Variants in STIM2 observed in about 807,000 individuals in gnomAD.
The protein encoded by STIM2 is stromal interaction molecule 2.
STIM2 carries 31 observed loss-of-function variants against 85.8 expected under a neutral mutation model. The observed-to-expected ratio is 0.36, with a 90% CI of 0.27 to 0.49. The LOEUF (loss-of-function observed/expected upper bound fraction) is 0.49. STIM2 is among the 20% of genes least tolerant of loss of function. The pLI is 0.98. For missense variants in STIM2, 841 were observed against 927.6 expected (o/e 0.91, Z 1.21); for synonymous variants, 356 against 331.1 (o/e 1.08, Z -0.82).
chr4:26,993,401 A>G (rs1727835022), intron 3 of STIM2, among the ~76,000 whole-genome samples: 1 of 152,096 alleles, frequency 6.6e-6, no homozygotes, highest in Non-Finnish European at 1.5e-5. Context: ...TACCACATCT[A>G]GTTTTAAATG....
In STIM2 at chr4:26,861,144, C is replaced by T. The variant is rs1722160801; in HGVS notation, c.-75C>T. 5 of 1,298,284 alleles carry T rather than the reference C, an allele frequency of 3.9e-6. No homozygotes were observed. Among genetic ancestry groups the T allele is most frequent in the East Asian group, 3.2e-5 (1 of 30,870 alleles). 80.4% of individuals were successfully genotyped at this position (1,298,284 alleles called of 1,614,324 possible). On this transcript the variant is annotated 5_prime_UTR_variant, in exon 1 of 12. Transcript: ENST00000467087. Reference sequence around the variant, plus strand: ...GCCGCTGCGCTTTCACCCGGCTTCTCCTCGGCGCCTTCATCCCGCCTCGAC... The same window carrying T: ...GCCGCTGCGCTTTCACCCGGCTTCTTCTCGGCGCCTTCATCCCGCCTCGAC...
chr4:26,949,267 A>G (rs1258103239), intron 2 of STIM2, among the ~76,000 whole-genome samples: 2 of 152,278 alleles, frequency 1.3e-5, no homozygotes, highest in African/African-American at 2.4e-5. Context: ...ATAATTATCA[A>G]TGTCTGTATT....
At chr4:26,999,696 T>C (rs907249477) in intron 5 of STIM2, among the ~76,000 whole-genome samples, 11 of 152,148 alleles carry the variant, frequency 7.2e-5, no homozygotes, top group African/African-American at 2.4e-4. Flanking sequence ...AAAAATAATA[T>C]AGTCTAACCA....
chr4:27,022,914 T>G lies in STIM2; in HGVS notation c.2159T>G (p.Ile720Ser). ...CCAAGTGTTGCCAGAATAAGCAGCATCCCACATGACCTTTGTCATAATGGA... is the reference window on the plus strand; with the variant it reads ...CCAAGTGTTGCCAGAATAAGCAGCAGCCCACATGACCTTTGTCATAATGGA... The change falls in exon 12 of 12, where the codon ATC becomes AGC. Residue 720 changes from isoleucine to serine, a missense_variant. Physicochemically the swap from Ile to Ser is moderately radical, Grantham distance 142. This residue lies in a region of STIM2 where 293 missense variants were observed against 284.5 expected (regional missense o/e 1.03). Coordinates refer to ENST00000467087, the MANE Select transcript of STIM2 (RefSeq NM_020860.4). The G allele has an allele frequency of 1.2e-6, 2 of 1,614,098 alleles. No homozygotes were observed. The highest frequency in any genetic ancestry group is 1.7e-6 in the Non-Finnish European group (2 of 1,180,018).
At chr4:26,966,990 C>T (rs763576358) in intron 3 of STIM2, among the ~76,000 whole-genome samples, 8 of 152,072 alleles carry the variant, frequency 5.3e-5, no homozygotes, top group Non-Finnish European at 7.4e-5. Context: ...CTCTTTGCAT[C>T]GACATTAATT....
intron 1 of STIM2, among the ~76,000 whole-genome samples, chr4:26,868,583 C>T (rs1365804162): frequency 6.6e-6 from 1 of 152,146 alleles, no homozygotes; most frequent in Non-Finnish European, 1.5e-5. Context: ...ACAATATTCT[C>T]AATAAGTAAA....
intron 1 of STIM2, among the ~76,000 whole-genome samples, chr4:26,918,118 T>C (rs1724656846): frequency 6.6e-6 from 1 of 151,962 alleles, no homozygotes; most frequent in Admixed American, 6.6e-5. Context: ...ACTTCCCTTC[T>C]AAGACTAAAG....
chr4:26,918,695 G>C (rs868834697), intron 1 of STIM2, among the ~76,000 whole-genome samples: 1 of 152,140 alleles, frequency 6.6e-6, no homozygotes, highest in South Asian at 2.1e-4. Flanking sequence ...TCCCATTTTG[G>C]TATATAGGTT....
intron 1 of STIM2, among the ~76,000 whole-genome samples, chr4:26,903,919 T>C (rs1231258702): frequency 2.6e-5 from 4 of 151,526 alleles, no homozygotes; most frequent in Admixed American, 2.6e-4. Flanking sequence ...GTGGCTAGGA[T>C]TTTTTTTTAA....
intron 3 of STIM2, among the ~76,000 whole-genome samples, chr4:26,970,233 ATATATATATATATG>A (rs1387582320): frequency 0.094 from 2,210 of 23,398 alleles, 47 homozygotes; most frequent in African/African-American, 0.13. Flanking sequence ...GTATATATAT[ATATATATATATATG>A]TATGTATTTT....
intron 1 of STIM2, among the ~76,000 whole-genome samples, chr4:26,879,719 A>T (rs116381112): frequency 6.6e-6 from 1 of 152,218 alleles, no homozygotes; most frequent in African/African-American, 2.4e-5. Flanking sequence ...TGGATACTTC[A>T]TAATATATGT....
intron 3 of STIM2, among the ~76,000 whole-genome samples, chr4:26,969,366 G>A (rs1182682354): frequency 6.6e-6 from 1 of 152,134 alleles, no homozygotes; most frequent in Non-Finnish European, 1.5e-5. Flanking sequence ...CATTTGTTTG[G>A]TTTCTGAATT....
At chr4:26,899,866 TGAA>T (rs1723851910) in intron 1 of STIM2, among the ~76,000 whole-genome samples, 1 of 152,192 alleles carries the variant, frequency 6.6e-6, no homozygotes, top group Admixed American at 6.5e-5. Context: ...TTCTGAATAA[TGAA>T]TTTTTAAGGA....
intron 3 of STIM2, among the ~76,000 whole-genome samples, chr4:26,993,537 AAAGAT>A (rs947033698): frequency 8.0e-4 from 6 of 7,500 alleles, no homozygotes; most frequent in African/African-American, 1.1e-3. Flanking sequence ...AGCTTATCAG[AAAGAT>A]TTTTTTCAGA....
intron 3 of STIM2, among the ~76,000 whole-genome samples, chr4:26,979,520 G>C (rs1056348777): frequency 6.6e-6 from 1 of 152,154 alleles, no homozygotes; most frequent in African/African-American, 2.4e-5. Flanking sequence ...TACTGTACTA[G>C]AGCTCTTGTC....
At chr4:26,889,885 T>A (rs1158781289) in intron 1 of STIM2, among the ~76,000 whole-genome samples, 1 of 152,216 alleles carries the variant, frequency 6.6e-6, no homozygotes, top group East Asian at 1.9e-4. Flanking sequence ...TCCTTCACAT[T>A]TTTTGCCCAA....
intron 1 of STIM2, among the ~76,000 whole-genome samples, chr4:26,890,830 A>G (rs929805174): frequency 6.6e-6 from 1 of 151,734 alleles, no homozygotes; most frequent in African/African-American, 2.4e-5. Flanking sequence ...TCTCAAAAAA[A>G]AAAAAAAAAA....
intron 2 of STIM2, among the ~76,000 whole-genome samples, chr4:26,940,158 C>T (rs900295648): frequency 1.3e-5 from 2 of 152,100 alleles, no homozygotes; most frequent in East Asian, 1.9e-4. Context: ...AGTAGCAAAT[C>T]ATGCGGTCTG....
intron 1 of STIM2, among the ~76,000 whole-genome samples, chr4:26,894,487 C>G (rs1723618206): frequency 6.7e-6 from 1 of 150,200 alleles, no homozygotes; most frequent in Admixed American, 6.6e-5. Context: ...AGAATCAGGT[C>G]TGATTTCCAT....
Sources: allele counts gnomAD v4.1 joint callset (sites outside exome capture counted in the v4.1 genomes callset), GRCh38; gene constraint gnomAD v4.1.1; regional missense constraint gnomAD v4.1.1; transcripts MANE v1.5; gene names NCBI Gene and HGNC (gene_info 2026-07-23, HGNC 2026-07-21).